The following DCLK1 variants were observed in gnomAD, a reference collection of about 807,000 sequenced individuals.
DCLK1 encodes serine/threonine-protein kinase DCLK1.
DCLK1 carries 16 observed loss-of-function variants against 86.2 expected under a neutral mutation model. That is an observed-to-expected ratio of 0.19 (90% CI 0.13 to 0.28). The LOEUF (loss-of-function observed/expected upper bound fraction) is 0.28. DCLK1 is among the 10% of genes least tolerant of loss of function. The pLI is 1.00. For missense variants in DCLK1, 590 were observed against 940.2 expected (o/e 0.63, Z 4.87); for synonymous variants, 369 against 370.5 (o/e 1.00, Z 0.05).
At chr13:36,112,970 CA>C (rs1566017633) in intron 2 of DCLK1, among the ~76,000 whole-genome samples, 1 of 152,008 alleles carries the variant, frequency 6.6e-6, no homozygotes, top group African/African-American at 2.4e-5. Flanking sequence ...ATCACACACA[CA>C]AAAAAGAAAA....
At chr13:35,887,236 G>A (rs972265122) in intron 4 of DCLK1, among the ~76,000 whole-genome samples, 1 of 152,186 alleles carries the variant, frequency 6.6e-6, no homozygotes, top group Non-Finnish European at 1.5e-5. Flanking sequence ...CTGTTTGAGT[G>A]GGCAGGGAGG....
chr13:35,940,739 G>A (rs938064800), intron 4 of DCLK1, among the ~76,000 whole-genome samples: 1 of 152,128 alleles, frequency 6.6e-6, no homozygotes, highest in Non-Finnish European at 1.5e-5. Flanking sequence ...ATCTTCAAAG[G>A]AGCCTTAATT....
intron 11 of DCLK1, among the ~76,000 whole-genome samples, chr13:35,819,649 A>C (rs893990953): frequency 6.6e-6 from 1 of 152,176 alleles, no homozygotes; most frequent in Admixed American, 6.5e-5. Flanking sequence ...TTTCCCTATA[A>C]TAAGTAAATG....
chr13:36,007,716 G>C (rs1881044835), intron 3 of DCLK1, among the ~76,000 whole-genome samples: 1 of 152,158 alleles, frequency 6.6e-6, no homozygotes, highest in African/African-American at 2.4e-5. Context: ...CGTAAGGAGA[G>C]AAAGAGCAAA....
At chr13:35,958,594 A>G (rs1417365686) in intron 3 of DCLK1, among the ~76,000 whole-genome samples, 1 of 152,146 alleles carries the variant, frequency 6.6e-6, no homozygotes, top group Non-Finnish European at 1.5e-5. Context: ...CAACACCACT[A>G]TCTCCATAAG....
intron 4 of DCLK1, among the ~76,000 whole-genome samples, chr13:35,944,285 T>C (rs769292194): frequency 3.9e-5 from 6 of 152,178 alleles, no homozygotes; most frequent in African/African-American, 1.2e-4. Context: ...AGTGCCGCCT[T>C]GTGGCAAAAG....
chr13:35,965,780 C>T (rs1374526567), intron 3 of DCLK1, among the ~76,000 whole-genome samples: 1 of 151,198 alleles, frequency 6.6e-6, no homozygotes, highest in Admixed American at 6.6e-5. Context: ...TTCTCTCACT[C>T]TCTCTCTCTC....
At chr13:35,832,169 A>C (rs1869014716) in intron 8 of DCLK1, among the ~76,000 whole-genome samples, 1 of 152,108 alleles carries the variant, frequency 6.6e-6, no homozygotes, top group African/African-American at 2.4e-5. Context: ...GGTGGTGTGC[A>C]CCTATACTCC....
At chr13:35,956,958 A>T (rs2153135696) in intron 3 of DCLK1, among the ~76,000 whole-genome samples, 1 of 152,306 alleles carries the variant, frequency 6.6e-6, no homozygotes, top group South Asian at 2.1e-4. Context: ...AAACTTTGCA[A>T]ATAACTATAC....
At chr13:35,950,925 C>T (rs1306262579) in intron 3 of DCLK1, among the ~76,000 whole-genome samples, 3 of 151,922 alleles carry the variant, frequency 2.0e-5, no homozygotes, top group Non-Finnish European at 4.4e-5. Flanking sequence ...ACTCCCAGCA[C>T]CAAGTCAGTC....
In DCLK1 at chr13:35,808,277, C is replaced by T; in HGVS notation, c.1810G>A (p.Gly604Arg). The change falls in exon 14 of 17, where the codon GGG becomes AGG. Residue 604 changes from glycine (G) to arginine (R), a missense_variant. By Grantham distance (125) the Gly-to-Arg change is moderately radical. This residue lies in a region of DCLK1 where 146 missense variants were observed against 190.2 expected (regional missense o/e 0.77). Coordinates refer to ENST00000360631, the MANE Select transcript of DCLK1 (RefSeq NM_001330071.2). ...TATGGAGAAGGAAAGTCCACCTGCC[C>T]CATCAAAATCTGATCAAAAAGCACC... ...QEVLFDQILMGQVDFPSPYWD... is the reference protein window; with the variant it reads ...QEVLFDQILMRQVDFPSPYWD... 1 of 1,614,040 alleles carries T rather than the reference C, an allele frequency of 6.2e-7. No individual in the cohort carries two copies. The highest frequency in any genetic ancestry group is 8.5e-7 in the Non-Finnish European group (1 of 1,179,972).
At chr13:35,795,788 C>T (rs148421017) in intron 15 of DCLK1, among the ~76,000 whole-genome samples, 5,648 of 151,888 alleles carry the variant, frequency 0.037, 354 homozygotes, top group African/African-American at 0.13. Context: ...GGCATGGTGG[C>T]GCATGCCTGT....
chr13:35,791,243 T>C (rs1327306308), intron 16 of DCLK1, among the ~76,000 whole-genome samples: 1 of 151,936 alleles, frequency 6.6e-6, no homozygotes, highest in African/African-American at 2.4e-5. Context: ...AACCAGCCAA[T>C]TATTTTGAAT....
chr13:35,853,656 T>C (rs939867986), intron 6 of DCLK1, among the ~76,000 whole-genome samples: 2 of 152,208 alleles, frequency 1.3e-5, no homozygotes, highest in South Asian at 2.1e-4. Context: ...TTGAGTGCAG[T>C]AGACTGCAAG....
chr13:35,967,368 G>A (rs1337961652), intron 3 of DCLK1, among the ~76,000 whole-genome samples: 61 of 152,216 alleles, frequency 4.0e-4, no homozygotes, highest in Non-Finnish European at 8.8e-5. Flanking sequence ...TGACGATGGC[G>A]GTTTTGTCAA....
intron 3 of DCLK1, among the ~76,000 whole-genome samples, chr13:35,956,827 A>C (rs960755414): frequency 6.6e-6 from 1 of 152,186 alleles, no homozygotes; most frequent in African/African-American, 2.4e-5. Context: ...AAAAAATTTT[A>C]ATAGGAAGAA....
intron 15 of DCLK1, among the ~76,000 whole-genome samples, chr13:35,799,846 T>C (rs2086884399): frequency 6.6e-6 from 1 of 152,192 alleles, no homozygotes; most frequent in African/African-American, 2.4e-5. Context: ...TCAACCCCCT[T>C]TCTAATTCCT....
intron 3 of DCLK1, among the ~76,000 whole-genome samples, chr13:36,017,770 G>A (rs895094232): frequency 2.6e-5 from 4 of 152,004 alleles, no homozygotes; most frequent in Non-Finnish European, 5.9e-5. Context: ...CATACAAAAA[G>A]CAGCCGCATT....
At chr13:35,950,962 C>G (rs1385393281) in intron 3 of DCLK1, among the ~76,000 whole-genome samples, 1 of 151,804 alleles carries the variant, frequency 6.6e-6, no homozygotes, top group African/African-American at 2.4e-5. Flanking sequence ...GCTTGTGGAC[C>G]CTGGCATTTT....
Sources: allele counts gnomAD v4.1 joint callset (sites outside exome capture counted in the v4.1 genomes callset), GRCh38; gene constraint gnomAD v4.1.1; regional missense constraint gnomAD v4.1.1; transcripts MANE v1.5; gene names NCBI Gene and HGNC (gene_info 2026-07-23, HGNC 2026-07-21).